Variants in PIK3CA observed in about 807,000 individuals in gnomAD.
The protein encoded by PIK3CA is phosphatidylinositol-4,5-bisphosphate 3-kinase catalytic subunit alpha.
PIK3CA carries 27 observed loss-of-function variants against 138.2 expected under a neutral mutation model. The ratio of observed to expected loss-of-function variants is 0.20; its 90% CI spans 0.14 to 0.27. PIK3CA has a LOEUF of 0.27. Ranked by LOEUF, PIK3CA falls within the 10% of genes least tolerant of loss-of-function variation. The pLI is 1.00. For synonymous variants in PIK3CA, 358 were observed against 413.2 expected (o/e 0.87, Z 1.62); for missense variants, 544 against 1,277.4 (o/e 0.43, Z 8.75).
intron 1 of PIK3CA, among the ~76,000 whole-genome samples, chr3:179,151,023 TA>T (rs1157933317): frequency 1.3e-5 from 2 of 152,234 alleles, no homozygotes; most frequent in Non-Finnish European, 2.9e-5. Flanking sequence ...AATTCCAAGA[TA>T]GGGGTGATTC....
At chr3:179,203,426 TATA>T in intron 4 of PIK3CA, 115 bp from the exon 5 acceptor site, 3 of 888,704 alleles carry the variant, frequency 3.4e-6, no homozygotes, top group Non-Finnish European at 5.0e-6. Context: ...AAATGTGGTC[TATA>T]ATGTTTAATT....
At chr3:179,200,986 A>G (rs1032925199) in intron 3 of PIK3CA, among the ~76,000 whole-genome samples, 1 of 152,202 alleles carries the variant, frequency 6.6e-6, no homozygotes, top group Non-Finnish European at 1.5e-5. Context: ...CACTATTCAT[A>G]GGGGCAGTAC....
At chr3:179,152,259 C>A (rs1210584656) in intron 1 of PIK3CA, among the ~76,000 whole-genome samples, 1 of 151,984 alleles carries the variant, frequency 6.6e-6, no homozygotes, top group African/African-American at 2.4e-5. Context: ...TACACACACA[C>A]GCAAAAAATG....
In PIK3CA at chr3:179,218,210, A is replaced by G; in HGVS notation, c.1540A>G (p.Ser514Gly). ...AGFSYSHAGLSNRLARDNELR... is the reference protein window; with the variant it reads ...AGFSYSHAGLGNRLARDNELR... The stretch of plus-strand genomic sequence containing the variant: ...TATAAGATATTATTTTATTTTACAG[A>G]GTAACAGACTAGCTAGAGACAATGA... Residue 514 changes from serine (S) to glycine (G), a missense_variant and splice_region_variant, in exon 10 of 21, where the codon AGT (serine) becomes GGT (glycine). Ser to Gly is a moderately conservative substitution (Grantham distance 56, BLOSUM62 0). Around this residue, in one of 14 missense-constraint regions of PIK3CA, gnomAD observed 52 missense variants for 83.4 expected, o/e 0.62. Transcript: ENST00000263967. 6.3e-7 allele frequency: 1 copy of G among 1,583,850 alleles called. No homozygotes were observed.
intron 1 of PIK3CA, among the ~76,000 whole-genome samples, chr3:179,195,218 C>A (rs870995): frequency 0.57 from 86,498 of 150,682 alleles, 26,049 homozygotes; most frequent in African/African-American, 0.76. Context: ...CACTTGAAAT[C>A]TAACTTCTTT....
chr3:179,204,721 T>TAA, intron 6 of PIK3CA, 133 bp downstream of exon 6: 1 of 499,000 alleles, frequency 2.0e-6, no homozygotes, highest in East Asian at 3.1e-5. Flanking sequence ...AAGTTTTTCT[T>TAA]AAAAATTAGC....
At chr3:179,196,890 G>A in intron 1 of PIK3CA, among the ~76,000 whole-genome samples, 1 of 152,158 alleles carries the variant, frequency 6.6e-6, no homozygotes, top group East Asian at 1.9e-4. Flanking sequence ...ACTAAGAGTG[G>A]TATTTGAAGA....
intron 1 of PIK3CA, among the ~76,000 whole-genome samples, chr3:179,172,918 A>G (rs1469588451): frequency 6.6e-6 from 1 of 152,200 alleles, no homozygotes; most frequent in African/African-American, 2.4e-5. Context: ...TACTTGCTAT[A>G]AAGCTACAAT....
rs1724476990 is a variant in PIK3CA at position 179,203,555 on chromosome 3, C to T, written c.825C>T (p.Ser275=). 11 of 1,613,216 alleles carry T rather than the reference C, an allele frequency of 6.8e-6. No homozygotes were observed. Among genetic ancestry groups the T allele is most frequent in the Non-Finnish European group, 8.5e-6 (10 of 1,179,716 alleles). ...YPLSQYKYIR[S]CIMLGRMPNL... ...TTAATCTCTTACAGTATATAAGAAG[C>T]TGTATAATGCTTGGGAGGATGCCCA... The change falls in exon 5 of 21, where the codon AGC becomes AGT. Residue 275 remains serine, a synonymous_variant. Transcript: ENST00000263967.
In PIK3CA at chr3:179,203,808, G is replaced by A. The variant is rs201940827; in HGVS notation, c.1059+19G>A. 2.6e-5 allele frequency: 41 copies of A among 1,551,168 alleles called. No homozygotes were observed. Among genetic ancestry groups the A allele is most frequent in the Non-Finnish European group, 3.5e-5 (40 of 1,145,416 alleles). On this transcript the variant is annotated intron_variant, in intron 5 of 20. Coordinates refer to ENST00000263967, the MANE Select transcript of PIK3CA (RefSeq NM_006218.4). ...TGATAAGGTAAAGTCAAATGCTGAT[G>A]CTTATTATTTTATAGAAATTATTTT...
chr3:179,155,840 T>C (rs1723126560), intron 1 of PIK3CA, among the ~76,000 whole-genome samples: 1 of 152,188 alleles, frequency 6.6e-6, no homozygotes, highest in Non-Finnish European at 1.5e-5. Context: ...TGGCAAAGAT[T>C]GTTAGGTTAC....
chr3:179,158,994 A>G (rs181440789), intron 1 of PIK3CA, among the ~76,000 whole-genome samples: 20 of 152,280 alleles, frequency 1.3e-4, no homozygotes, highest in Non-Finnish European at 2.5e-4. Flanking sequence ...TTACTTTTCT[A>G]AAGTTGATGA....
intron 1 of PIK3CA, among the ~76,000 whole-genome samples, chr3:179,195,096 A>G (rs1262342244): frequency 6.6e-6 from 1 of 151,968 alleles, no homozygotes; most frequent in Non-Finnish European, 1.5e-5. Context: ...TAACATTTCA[A>G]TAGGAATCTT....
intron 9 of PIK3CA, among the ~76,000 whole-genome samples, chr3:179,211,618 G>A (rs759370442): frequency 8.5e-5 from 13 of 152,262 alleles, no homozygotes; most frequent in Middle Eastern, 3.4e-3. Flanking sequence ...AGTGAGCCGA[G>A]GTCACGCCAT....
intron 1 of PIK3CA, among the ~76,000 whole-genome samples, chr3:179,161,427 T>G (rs1723278192): frequency 6.6e-6 from 1 of 152,206 alleles, no homozygotes; most frequent in Non-Finnish European, 1.5e-5. Flanking sequence ...CTGGGCGTGG[T>G]GGCTCACGCC....
At chr3:179,149,116 G>T (rs1300310730) in intron 1 of PIK3CA, among the ~76,000 whole-genome samples, 1 of 152,096 alleles carries the variant, frequency 6.6e-6, no homozygotes, top group Non-Finnish European at 1.5e-5. Flanking sequence ...GGTTTAAATC[G>T]CCCGGCAGGG....
intron 1 of PIK3CA, among the ~76,000 whole-genome samples, chr3:179,189,363 G>T (rs1241878097): frequency 6.6e-6 from 1 of 152,112 alleles, no homozygotes; most frequent in Non-Finnish European, 1.5e-5. Context: ...ACACATTTCA[G>T]TATCTGGTAT....
intron 1 of PIK3CA, among the ~76,000 whole-genome samples, chr3:179,178,247 T>C (rs1031335695): frequency 7.1e-6 from 1 of 140,446 alleles, no homozygotes; most frequent in African/African-American, 2.8e-5. Flanking sequence ...AAGTGCGACC[T>C]TGTCTCTAAA....
At chr3:179,150,364 TG>T (rs1305071944) in intron 1 of PIK3CA, among the ~76,000 whole-genome samples, 1 of 152,120 alleles carries the variant, frequency 6.6e-6, no homozygotes, top group Non-Finnish European at 1.5e-5. Context: ...AATAGCATCA[TG>T]GGGGAAATAA....
Sources: gnomAD v4.1 joint callset for allele counts (sites outside exome capture counted in the v4.1 genomes callset) on GRCh38, gnomAD v4.1.1 for gene constraint, gnomAD v4.1.1 regional missense constraint, MANE v1.5 for transcripts, NCBI Gene and HGNC (gene_info 2026-07-23, HGNC 2026-07-21) for gene names.